PPP2R1B: variants seen among roughly 807,000 people sequenced by gnomAD.
PPP2R1B encodes the protein protein phosphatase 2 scaffold subunit Abeta.
A neutral mutation model predicts 72.7 loss-of-function variants in PPP2R1B; 58 were observed. That is an observed-to-expected ratio of 0.80 (90% CI 0.65 to 0.99). The LOEUF is 0.99. Among genes scored for constraint, PPP2R1B ranks in the 50% least tolerant of loss-of-function variants. PPP2R1B has a pLI of 0.00. For synonymous variants in PPP2R1B, 256 were observed against 264.6 expected (o/e 0.97, Z 0.32); for missense variants, 695 against 733.6 (o/e 0.95, Z 0.61).
At chr11:111,692,392 A>G in the PPP2R1B span, among the ~76,000 whole-genome samples, 9 of 123,704 alleles carry the variant, frequency 7.3e-5, 1 homozygote, top group South Asian at 1.5e-3. Context: ...AAAAAAACAC[A>G]AAAAGGAGAG....
In PPP2R1B at chr11:111,741,342, T is replaced by G. The variant is rs144907366; in HGVS notation, c.*254A>C. The G allele has an allele frequency of 2.6e-5, 34 of 1,320,362 alleles. No individual in the cohort carries two copies. Among genetic ancestry groups the G allele is most frequent in the Middle Eastern group, 2.1e-4 (1 of 4,660 alleles). The allele number at this position is 1,320,362 out of a possible 1,614,324, so 81.8% of individuals were successfully genotyped here. A position where few individuals can be genotyped will look rare whatever the true frequency, so the allele number is the denominator to read the frequency against. On this transcript the variant is annotated 3_prime_UTR_variant, in exon 15 of 15. Transcript: ENST00000527614. ...GCCCAGGTGGTGATGGATAAAGCATTAGGAGACAATCAAGTGTCAGGAATT... is the reference window on the plus strand; with the variant it reads ...GCCCAGGTGGTGATGGATAAAGCATGAGGAGACAATCAAGTGTCAGGAATT...
rs994069648 is a variant in PPP2R1B, at chr11:111,740,792, G to A, written c.*804C>T. On this transcript the variant is annotated 3_prime_UTR_variant, in exon 15 of 15. Transcript: ENST00000527614. Reference sequence around the variant, plus strand: ...ATCCCTGTGGTTCTTAGACTCATTCGAAATACAGAACTGCAATCTCACAAT... The same window carrying A: ...ATCCCTGTGGTTCTTAGACTCATTCAAAATACAGAACTGCAATCTCACAAT... The A allele has an allele frequency of 3.6e-5, 35 of 985,260 alleles. No homozygotes were observed. Among genetic ancestry groups the A allele is most frequent in the East Asian group, 1.1e-4 (1 of 8,836 alleles). 61.0% of individuals were successfully genotyped at this position (985,260 alleles called of 1,614,324 possible).
At position 111,766,309 on chromosome 11, in the gene PPP2R1B, C is replaced by T; in HGVS notation, c.53G>A (p.Gly18Glu). ...CGCGATCGGGTATAGCGAATCATCT[C>T]CATCTCCACCCGCTGCTCCTGGGCC... The part of the protein sequence containing the change: ...GTGPGAAGGD[G>E]DDSLYPIAVL... Residue 18 changes from glycine to glutamate, a missense_variant, in exon 1 of 15, where the codon GGA (glycine) becomes GAA (glutamate). Transcript: ENST00000527614. The T allele has an allele frequency of 6.3e-7, 1 of 1,575,874 alleles. No homozygotes were observed. Among genetic ancestry groups the T allele is most frequent in the South Asian group, 1.1e-5 (1 of 90,308 alleles).
chr11:111,763,316 C>G (rs1206706850), intron 3 of PPP2R1B, among the ~76,000 whole-genome samples: 1 of 152,218 alleles, frequency 6.6e-6, no homozygotes, highest in Non-Finnish European at 1.5e-5. Flanking sequence ...CTGTTCCCTG[C>G]CTACTGTCAC....
At position 111,763,847 on chromosome 11, in the gene PPP2R1B, ACTCTCT is replaced by A. The variant is rs60119313; in HGVS notation, c.306+952_306+957del. 1.5e-4 allele frequency among the ~76,000 whole-genome samples: 22 copies of A among 146,336 alleles called. 1 individual carries two copies. The highest frequency in any genetic ancestry group is 2.0e-4 in the East Asian group (1 of 4,936). The stretch of plus-strand genomic sequence containing the variant: ...GCCTATATACATAGACAGAAAAAAA[ACTCTCT>A]CTCTCTCTCTCTCTCTATATATATA... On this transcript the variant is annotated intron_variant, in intron 3 of 14. Transcript: ENST00000527614.
Position 111,741,169 on chromosome 11 carries a change from T to C in PPP2R1B, c.*427A>G, listed in dbSNP as rs1056017187. The C allele has an allele frequency of 1.0e-6, 1 of 994,446 alleles. No individual in the cohort carries two copies. The highest frequency in any genetic ancestry group is 1.7e-5 in the African/African-American group (1 of 57,450). The allele number at this position is 994,446 out of a possible 1,614,324, so 61.6% of individuals were successfully genotyped here. A position where few individuals can be genotyped will look rare whatever the true frequency, so the allele number is the denominator to read the frequency against. On this transcript the variant is annotated 3_prime_UTR_variant, in exon 15 of 15. Transcript: ENST00000527614. ...TATAAAATAAGTTATTCTAAACATG[T>C]ACATTTAGCTTTGGAATGATGGAGA... is the stretch of plus-strand genomic sequence containing the variant.
chr11:111,721,358 TCTC>T, the PPP2R1B span, among the ~76,000 whole-genome samples: 3 of 151,900 alleles, frequency 2.0e-5, no homozygotes, highest in African/African-American at 7.3e-5. Context: ...GAACTCCCCT[TCTC>T]CTGCCACACA....
chr11:111,752,433 GAA>G, intron 9 of PPP2R1B, 101 bp from the exon 10 acceptor site: 1 of 1,142,900 alleles, frequency 8.7e-7, no homozygotes, highest in Non-Finnish European at 1.2e-6. Context: ...AGACTCAGGT[GAA>G]AAAAAAATGG....
intron 12 of PPP2R1B, among the ~76,000 whole-genome samples, chr11:111,743,082 C>T (rs1269745829): frequency 6.6e-6 from 1 of 151,924 alleles, no homozygotes; most frequent in Non-Finnish European, 1.5e-5. Flanking sequence ...TTAGTAGAGA[C>T]AAGGTCTTGC....
chr11:111,712,080 TC>T, the PPP2R1B span: 28 of 964,070 alleles, frequency 2.9e-5, no homozygotes, highest in Non-Finnish European at 4.0e-5. Context: ...ACTAAATCTT[TC>T]TGGAGTTTCC....
At position 111,738,403 on chromosome 11, in the gene PPP2R1B, GGCAAGCCCCA is replaced by G; in HGVS notation, c.*3183_*3192del. 1 of 985,478 alleles carries G rather than the reference GGCAAGCCCCA, an allele frequency of 1.0e-6. No homozygotes were observed. The highest frequency in any genetic ancestry group is 1.2e-6 in the Non-Finnish European group (1 of 829,966). The allele number at this position is 985,478 out of a possible 1,614,324, so 61.0% of individuals were successfully genotyped here. A position where few individuals can be genotyped will look rare whatever the true frequency, so the allele number is the denominator to read the frequency against. On this transcript the variant is annotated 3_prime_UTR_variant, in exon 15 of 15. Coordinates refer to ENST00000527614, the MANE Select transcript of PPP2R1B (RefSeq NM_002716.5). ...GGACAGAGCCAATGTGACGTCTAAG[GGCAAGCCCCA>G]GCCTTTCAGTTTAGTGACAACACAA...
Position 111,737,997 on chromosome 11 carries a change from T to TAC in PPP2R1B, c.*3598_*3599insGT. 9.9e-7 allele frequency: 1 copy of TAC among 1,009,508 alleles called. No individual in the cohort carries two copies. Among genetic ancestry groups the TAC allele is most frequent in the Non-Finnish European group, 1.2e-6 (1 of 843,278 alleles). The allele number at this position is 1,009,508 out of a possible 1,614,324, so 62.5% of individuals were successfully genotyped here. On this transcript the variant is annotated 3_prime_UTR_variant, in exon 15 of 15. Transcript: ENST00000527614. ...GAAGATTTCCATCCCAACTGAACGT[T>TAC]ATGTAATTTCCTGGAAACAGCAGGC...
At chr11:111,725,053 A>G (rs1943925194), downstream of PPP2R1B, 2 of 152,564 alleles carry the variant, frequency 1.3e-5, no homozygotes, top group African/African-American at 4.8e-5. Flanking sequence ...ACCTTACACT[A>G]TATGTTGCTA....
chr11:111,725,971 T>G (rs902349973), downstream of PPP2R1B: 1 of 152,222 alleles, frequency 6.6e-6, no homozygotes, highest in Non-Finnish European at 1.5e-5. Flanking sequence ...AAGAATGAAT[T>G]AAGCTTCTTC....
the PPP2R1B span, among the ~76,000 whole-genome samples, chr11:111,706,959 C>CAAA: frequency 0.01 from 527 of 52,078 alleles, 3 homozygotes; most frequent in Middle Eastern, 0.054. Flanking sequence ...GACTCCGTCT[C>CAAA]AAAAAAAAAA....
chr11:111,695,252 A>G, the PPP2R1B span, among the ~76,000 whole-genome samples: 1 of 152,340 alleles, frequency 6.6e-6, no homozygotes, highest in African/African-American at 2.4e-5. Context: ...ATTTAACCCT[A>G]AAGCCATCTG....
At chr11:111,699,002 T>C in the PPP2R1B span, among the ~76,000 whole-genome samples, 2 of 152,242 alleles carry the variant, frequency 1.3e-5, no homozygotes, top group African/African-American at 4.8e-5. Context: ...TTTGAGAGTA[T>C]AGTTTTTCTA....
chr11:111,720,382 G>C, the PPP2R1B span: 1 of 1,235,614 alleles, frequency 8.1e-7, no homozygotes, highest in Non-Finnish European at 1.1e-6. Flanking sequence ...TTAAGGACAT[G>C]GTAGCTGTCA....
At chr11:111,721,980 T>A, downstream of PPP2R1B, 1 of 1,456,252 alleles carries the variant, frequency 6.9e-7, no homozygotes, top group Non-Finnish European at 9.3e-7. Flanking sequence ...ACTCTGCTCA[T>A]CCAGAATCTG....
Sources: allele counts gnomAD v4.1 joint callset (sites outside exome capture counted in the v4.1 genomes callset), GRCh38; gene constraint gnomAD v4.1.1; transcripts MANE v1.5; gene names NCBI Gene and HGNC (gene_info 2026-07-23, HGNC 2026-07-21).